The following ZDBF2 variants were observed in gnomAD, a reference collection of about 807,000 sequenced individuals.
The protein encoded by ZDBF2 is zinc finger DBF-type containing 2.
ZDBF2 carries 6 observed loss-of-function variants against 9.4 expected under a neutral mutation model. The observed-to-expected ratio is 0.64, with a 90% CI of 0.35 to 1.27. The LOEUF (loss-of-function observed/expected upper bound fraction) is 1.27, where lower values mean the gene tolerates loss of function less well. Among genes scored for constraint, ZDBF2 ranks in the 50% most tolerant of loss-of-function variants. The probability of loss-of-function intolerance (pLI) is 0.03; values close to 1 mark genes in which losing one functional copy is unlikely to be tolerated. For synonymous variants in ZDBF2, 905 were observed against 946.3 expected, an observed-to-expected ratio of 0.96 and a Z score of 0.80; for missense variants, 2,697 against 2,766.8, an observed-to-expected ratio of 0.97 and a Z score of 0.57.
chr2:206,282,905 G>A (rs541025623), intron 3 of ZDBF2, among the ~76,000 whole-genome samples: 55 of 152,292 alleles, frequency 3.6e-4, no homozygotes, highest in Non-Finnish European at 6.5e-4. Context: ...AACCGCTAGT[G>A]TATTTCCTGT....
intron 3 of ZDBF2, among the ~76,000 whole-genome samples, chr2:206,291,149 A>C (rs1316877097): frequency 6.6e-6 from 1 of 152,218 alleles, no homozygotes; most frequent in Non-Finnish European, 1.5e-5. Flanking sequence ...GGTAGCTTAA[A>C]TCAGCGGTCC....
chr2:206,279,091 A>G (rs916473657), intron 1 of ZDBF2, among the ~76,000 whole-genome samples: 3 of 152,232 alleles, frequency 2.0e-5, no homozygotes, highest in African/African-American at 7.2e-5. Context: ...GAGGAATAAA[A>G]AACATGCTTC....
In ZDBF2 at chr2:206,311,702, A is replaced by G; in HGVS notation, c.*109A>G. ...GCTTTGGTGAGAAAACTAATCTTGA[A>G]CTATTTTGCTATAAATATTATTTTT... On this transcript the variant is annotated 3_prime_UTR_variant, in exon 5 of 5. Transcript: ENST00000374423. The G allele has an allele frequency of 1.8e-6, 2 of 1,096,130 alleles. No homozygotes were observed. Among genetic ancestry groups the G allele is most frequent in the Non-Finnish European group, 1.2e-6 (1 of 840,750 alleles). 67.9% of individuals were successfully genotyped at this position (1,096,130 alleles called of 1,614,324 possible). A position where few individuals can be genotyped will look rare whatever the true frequency, so the allele number is the denominator to read the frequency against.
Position 206,309,780 on chromosome 2 carries a change from A to T in ZDBF2, c.5252A>T (p.Gln1751Leu). Residue 1751 changes from glutamine (Q) to leucine (L), a missense_variant, in exon 5 of 5, where the codon CAG (glutamine) becomes CTG (leucine). Physicochemically the swap from Gln to Leu is moderately radical, Grantham distance 113 (BLOSUM62 -2). This residue lies in a region of ZDBF2 where 1,783 missense variants were observed against 1,776.5 expected (regional missense o/e 1.00). Coordinates refer to ENST00000374423, the MANE Select transcript of ZDBF2 (RefSeq NM_020923.3). ...CCGGATGGTTTTGAGATGAATTTTC[A>T]GTGTGCTCCCCCTCTTCCATCTGAT... ...CEPDGFEMNF[Q>L]CAPPLPSDTD... 1 of 1,613,966 alleles carries T rather than the reference A, an allele frequency of 6.2e-7. No homozygotes were observed. Among genetic ancestry groups the T allele is most frequent in the South Asian group, 1.1e-5 (1 of 91,068 alleles).
intron 3 of ZDBF2, among the ~76,000 whole-genome samples, chr2:206,294,268 T>C (rs976610163): frequency 6.6e-6 from 1 of 152,190 alleles, no homozygotes; most frequent in African/African-American, 2.4e-5. Context: ...TTCTGGATGC[T>C]TGTCAACTTT....
chr2:206,293,182 C>T (rs2105921853), intron 3 of ZDBF2, among the ~76,000 whole-genome samples: 1 of 152,184 alleles, frequency 6.6e-6, no homozygotes, highest in Non-Finnish European at 1.5e-5. Context: ...TGATTTGTGA[C>T]AAAGGTGCTG....
At chr2:206,283,180 T>C (rs1293539170) in intron 3 of ZDBF2, among the ~76,000 whole-genome samples, 1 of 152,256 alleles carries the variant, frequency 6.6e-6, no homozygotes, top group African/African-American at 2.4e-5. Context: ...TGGATATATG[T>C]GTACAAGTTT....
At position 206,308,320 on chromosome 2, in the gene ZDBF2, C is replaced by T; in HGVS notation, c.3792C>T (p.Val1264=). ...AACCTGAAGAAGTAGTTAAGGAGGT[C>T]AGTCTTTGGAAAGAGCATGTTGACT... ...AGQPEEVVKE[V]SLWKEHVDLE... Residue 1264 remains valine (V), a synonymous_variant, in exon 5 of 5, where the codon GTC becomes GTT. Coordinates refer to ENST00000374423, the MANE Select transcript of ZDBF2 (RefSeq NM_020923.3). 3 of 1,613,736 alleles carry T rather than the reference C, an allele frequency of 1.9e-6. No homozygotes were observed. Among genetic ancestry groups the T allele is most frequent in the Non-Finnish European group, 2.5e-6 (3 of 1,179,810 alleles).
chr2:206,303,021 G>A (rs1692582624), intron 4 of ZDBF2, among the ~76,000 whole-genome samples: 1 of 152,044 alleles, frequency 6.6e-6, no homozygotes, highest in Non-Finnish European at 1.5e-5. Flanking sequence ...TAACATTAAT[G>A]TGATATATTT....
In ZDBF2 at chr2:206,306,320, C is replaced by T. The variant is rs768847731; in HGVS notation, c.1792C>T (p.Leu598=). Residue 598 remains leucine, a synonymous_variant, in exon 5 of 5, where the codon CTG becomes TTG. Transcript: ENST00000374423. ...TGAGTCAGTAGTTGATCATCCCCAA[C>T]TGACTGTCAAAGGAAGAAACCTGAA... The part of the protein sequence containing the change: ...SLESVVDHPQ[L]TVKGRNLKGR... The T allele has an allele frequency of 1.9e-6, 3 of 1,613,714 alleles. No homozygotes were observed. In the East Asian group the frequency reaches 6.7e-5, roughly 36 times the overall value.
At position 206,306,534 on chromosome 2, in the gene ZDBF2, G is replaced by T. The variant is rs768461991; in HGVS notation, c.2006G>T (p.Gly669Val). 1.2e-6 allele frequency: 2 copies of T among 1,613,714 alleles called. No individual in the cohort carries two copies. Among genetic ancestry groups the T allele is most frequent in the South Asian group, 1.1e-5 (1 of 91,068 alleles). ...TGTGAATCCCATGGTCCTGAAATGGGTTTTCAGGCTGATGCTCAATTAGCT... is the reference window on the plus strand; with the variant it reads ...TGTGAATCCCATGGTCCTGAAATGGTTTTTCAGGCTGATGCTCAATTAGCT... ...MNCESHGPEM[G>V]FQADAQLADQ... Residue 669 changes from glycine to valine, a missense_variant, in exon 5 of 5, where the codon GGT (glycine) becomes GTT (valine). This residue lies in a region of ZDBF2 where 910 missense variants were observed against 973.6 expected (regional missense o/e 0.93). Coordinates refer to ENST00000374423, the MANE Select transcript of ZDBF2 (RefSeq NM_020923.3).
In ZDBF2 at chr2:206,308,033, C is replaced by T; in HGVS notation, c.3505C>T (p.Gln1169Ter). Reference protein sequence around the residue: ...EMNLDSGFLGQSIVNRPQITI... With the variant: ...EMNLDSGFLG The stretch of plus-strand genomic sequence containing the variant: ...GAATTTGGATTCTGGTTTCTTGGGT[C>T]AGTCAATAGTCAATCGACCTCAAAT... Residue 1169 changes from glutamine to a stop codon, truncating the protein, a stop_gained, in exon 5 of 5, where the codon CAG becomes TAG. Transcript: ENST00000374423. LOFTEE classifies it low-confidence loss of function (END_TRUNC). 6.2e-7 allele frequency: 1 copy of T among 1,613,874 alleles called. No homozygotes were observed.
At chr2:206,299,241 G>A (rs929982205) in intron 4 of ZDBF2, among the ~76,000 whole-genome samples, 3 of 152,074 alleles carry the variant, frequency 2.0e-5, no homozygotes, top group Admixed American at 1.3e-4. Context: ...CAGAGTTTAC[G>A]GACCTTAAAA....
chr2:206,298,737 G>T (rs1335910343), intron 4 of ZDBF2, among the ~76,000 whole-genome samples: 1 of 151,914 alleles, frequency 6.6e-6, no homozygotes, highest in Non-Finnish European at 1.5e-5. Flanking sequence ...TGTTGGCCAG[G>T]CTGGTCTTGA....
At position 206,304,840 on chromosome 2, in the gene ZDBF2, A is replaced by G. The variant is rs1288020392; in HGVS notation, c.312A>G (p.Glu104=). The G allele has an allele frequency of 1.9e-6, 3 of 1,613,764 alleles. No individual in the cohort carries two copies. The highest frequency in any genetic ancestry group is 1.7e-6 in the Non-Finnish European group (2 of 1,179,788). Residue 104 remains glutamate, a synonymous_variant, in exon 5 of 5, where the codon GAA becomes GAG. Transcript: ENST00000374423. ...EDKVEDEDAT[E]ERPSEVSEPI... Reference sequence around the variant, plus strand: ...AGGTTGAGGATGAGGATGCTACCGAAGAGAGACCATCCGAGGTTTCAGAAC... The same window carrying G: ...AGGTTGAGGATGAGGATGCTACCGAGGAGAGACCATCCGAGGTTTCAGAAC...
chr2:206,284,278 G>C (rs576866509), intron 3 of ZDBF2, among the ~76,000 whole-genome samples: 1 of 151,996 alleles, frequency 6.6e-6, no homozygotes, highest in South Asian at 2.1e-4. Flanking sequence ...ATGTATGTAT[G>C]TATGTATGTA....
intron 1 of ZDBF2, among the ~76,000 whole-genome samples, chr2:206,276,420 T>C (rs762250992): frequency 5.3e-5 from 8 of 152,244 alleles, no homozygotes; most frequent in Non-Finnish European, 8.8e-5. Context: ...TCCAAGGTAC[T>C]GTCAGCACTC....
rs1485049036 is a variant in ZDBF2 at position 206,312,808 on chromosome 2, C to T, written c.*1215C>T. The T allele has an allele frequency of 6.6e-6, 1 of 152,162 alleles. No homozygotes were observed. Among genetic ancestry groups the T allele is most frequent in the African/African-American group, 2.4e-5 (1 of 41,438 alleles). The allele number at this position is 152,162 out of a possible 1,614,324, so 9.4% of individuals were successfully genotyped here. ...CTCATTAGAAAATTACTTAATATTT[C>T]AAAAAATTGAATAAAACTGGTAATC... On this transcript the variant is annotated 3_prime_UTR_variant, in exon 5 of 5. Transcript: ENST00000374423.
chr2:206,301,027 G>A (rs1692475321), intron 4 of ZDBF2, among the ~76,000 whole-genome samples: 1 of 152,090 alleles, frequency 6.6e-6, no homozygotes, highest in Non-Finnish European at 1.5e-5. Flanking sequence ...GGGATTATCA[G>A]CTTCTTTTTT....
Sources: gnomAD v4.1 joint callset for allele counts (sites outside exome capture counted in the v4.1 genomes callset) on GRCh38, gnomAD v4.1.1 for gene constraint, gnomAD v4.1.1 regional missense constraint, MANE v1.5 for transcripts, NCBI Gene and HGNC (gene_info 2026-07-23, HGNC 2026-07-21) for gene names.